The following DMD variants were observed in gnomAD, a reference collection of about 807,000 sequenced individuals.
DMD encodes the protein mutant dystrophin.
In DMD, 63 loss-of-function variants were observed where a neutral mutation model predicts 330.1. That is an observed-to-expected ratio of 0.19 (90% CI 0.16 to 0.24). The LOEUF is 0.24. Ranked by LOEUF, DMD falls within the 10% of genes least tolerant of loss-of-function variation. DMD has a pLI of 1.00. For missense variants in DMD, 3,344 were observed against 2,684.1 expected (o/e 1.25, Z -5.43); for synonymous variants, 1,223 against 959.8 (o/e 1.27, Z -5.07).
intron 61 of DMD, among the ~76,000 whole-genome samples, chrX:31,341,602 G>C (rs1029453352): frequency 9.0e-6 from 1 of 111,111 alleles, no homozygotes; most frequent in Non-Finnish European, 1.9e-5. Context: ...GAGAATAATC[G>C]TTGGCAATAG....
At chrX:32,785,589 TATC>T (rs1317709871) in intron 7 of DMD, among the ~76,000 whole-genome samples, 1 of 111,652 alleles carries the variant, frequency 9.0e-6, no homozygotes, top group African/African-American at 3.2e-5. Context: ...GCAAAGATAT[TATC>T]ATTTAATGGA....
At chrX:31,827,823 G>A (rs1424565158) in intron 49 of DMD, among the ~76,000 whole-genome samples, 5 of 111,474 alleles carry the variant, frequency 4.5e-5, no homozygotes, top group Non-Finnish European at 7.5e-5. Context: ...ATGATTTTGG[G>A]GTTAACAATG....
chrX:31,591,854 T>C (rs1042246237), intron 55 of DMD, among the ~76,000 whole-genome samples: 2 of 110,954 alleles, frequency 1.8e-5, no homozygotes, highest in African/African-American at 6.5e-5. Context: ...TGGTAATGAT[T>C]TTGCACACCA....
At chrX:31,938,652 C>T (rs1413870276) in intron 45 of DMD, among the ~76,000 whole-genome samples, 1 of 111,422 alleles carries the variant, frequency 9.0e-6, no homozygotes, top group Non-Finnish European at 1.9e-5. Flanking sequence ...AGGTATAGTA[C>T]TGCTGAATCT....
chrX:31,634,519 G>A (rs1399009496), intron 54 of DMD, among the ~76,000 whole-genome samples: 3 of 111,466 alleles, frequency 2.7e-5, no homozygotes, highest in Non-Finnish European at 5.7e-5. Context: ...GAAGCTATCT[G>A]TGTAAACTTC....
chrX:32,963,262 T>C (rs1406939349), intron 2 of DMD, among the ~76,000 whole-genome samples: 1 of 112,218 alleles, frequency 8.9e-6, no homozygotes, highest in Non-Finnish European at 1.9e-5. Context: ...TAAAGTGTTA[T>C]AATAACAGGC....
At chrX:31,234,638 A>C (rs16989467) in intron 63 of DMD, among the ~76,000 whole-genome samples, 9,963 of 111,838 alleles carry the variant, frequency 0.089, 1,090 homozygotes, top group African/African-American at 0.31. Flanking sequence ...TGGGGAAAAC[A>C]AAAAGATTAT....
At chrX:31,764,970 G>A (rs958506412) in intron 51 of DMD, among the ~76,000 whole-genome samples, 5 of 110,128 alleles carry the variant, frequency 4.5e-5, no homozygotes, top group African/African-American at 1.6e-4. Flanking sequence ...ATAAGAAATT[G>A]ACTCAAATCA....
intron 59 of DMD, among the ~76,000 whole-genome samples, chrX:31,464,402 T>C (rs1365523939): frequency 8.9e-6 from 1 of 112,522 alleles, no homozygotes; most frequent in African/African-American, 3.2e-5. Flanking sequence ...TTTCCAACTG[T>C]TCTAAAGCCT....
rs2068041021 is a variant in DMD, at chrX:31,479,090, T to G, written c.8561A>C (p.Glu2854Ala). The G allele has an allele frequency of 2.5e-6, 3 of 1,209,046 alleles. No homozygotes were observed. Among genetic ancestry groups the G allele is most frequent in the Non-Finnish European group, 2.2e-6 (2 of 894,510 alleles). Residue 2854 changes from glutamate to alanine, a missense_variant, in exon 58 of 79, where the codon GAA becomes GCA. Coordinates refer to ENST00000357033, the MANE Select transcript of DMD (RefSeq NM_004006.3). ...GATTACAGGTTCTTTAGTTTTCAATTCCCTCTTGAAGGCCTGTGAAATGAG... is the reference window on the plus strand; with the variant it reads ...GATTACAGGTTCTTTAGTTTTCAATGCCCTCTTGAAGGCCTGTGAAATGAG... ...QNDVHRAFKRELKTKEPVIMS... is the reference protein window; with the variant it reads ...QNDVHRAFKRALKTKEPVIMS...
chrX:32,718,957 A>G (rs2065991339), intron 7 of DMD, among the ~76,000 whole-genome samples: 1 of 112,205 alleles, frequency 8.9e-6, no homozygotes, highest in African/African-American at 3.2e-5. Flanking sequence ...TTAGGTAAAT[A>G]ATCTGTAATT....
At chrX:33,008,941 C>CGTGT (rs1569548765) in intron 2 of DMD, among the ~76,000 whole-genome samples, 1 of 79,710 alleles carries the variant, frequency 1.3e-5, no homozygotes, top group Admixed American at 1.3e-4. Flanking sequence ...TATATACACA[C>CGTGT]GTATATATAC....
chrX:32,505,095 G>A (rs1362420407), intron 18 of DMD, among the ~76,000 whole-genome samples: 3 of 110,933 alleles, frequency 2.7e-5, no homozygotes, highest in Non-Finnish European at 5.7e-5. Context: ...GAAAACAGAG[G>A]TGACTTTGAG....
intron 44 of DMD, among the ~76,000 whole-genome samples, chrX:32,181,968 G>A (rs770899621): frequency 9.0e-6 from 1 of 111,661 alleles, no homozygotes; most frequent in African/African-American, 3.2e-5. Flanking sequence ...TTTAAATTGG[G>A]AATTAAGTTG....
chrX:31,698,738 G>A (rs973029801), intron 52 of DMD, among the ~76,000 whole-genome samples: 4 of 111,457 alleles, frequency 3.6e-5, no homozygotes. Context: ...GGAGGAATGT[G>A]GTTGTTTTAC....
chrX:32,790,078 A>G (rs1381580803), intron 7 of DMD, among the ~76,000 whole-genome samples: 4 of 111,964 alleles, frequency 3.6e-5, no homozygotes, highest in Non-Finnish European at 5.6e-5. Flanking sequence ...CACGATTGCC[A>G]TAAGACAAAA....
At chrX:33,176,950 A>G (rs977722867) in intron 1 of DMD, among the ~76,000 whole-genome samples, 2 of 111,790 alleles carry the variant, frequency 1.8e-5, no homozygotes, top group Non-Finnish European at 3.8e-5. Flanking sequence ...AAAATAAAAT[A>G]AAAAGAGAAA....
At chrX:32,935,657 C>T (rs763555820) in intron 2 of DMD, among the ~76,000 whole-genome samples, 1 of 110,878 alleles carries the variant, frequency 9.0e-6, no homozygotes, top group South Asian at 3.8e-4. Flanking sequence ...CCTTTTTGCG[C>T]TGAATATAGA....
chrX:31,241,166 T>G lies in DMD; in HGVS notation c.9287-18045A>C, dbSNP rs369958126. On this transcript the variant is annotated intron_variant, in intron 63 of 78. Coordinates refer to ENST00000357033, the MANE Select transcript of DMD (RefSeq NM_004006.3). ...TTTATCATGCTGTGGACCAAACTCT[T>G]TCTTCGGTTCCCCTTTTCAAATGGC... is the stretch of plus-strand genomic sequence containing the variant. Among the ~76,000 whole-genome samples, 21 of 111,683 alleles carry G rather than the reference T, an allele frequency of 1.9e-4. No individual in the cohort carries two copies. In the East Asian group the frequency reaches 3.9e-3, roughly 21 times the overall value.
Sources: gnomAD v4.1 joint callset for allele counts (sites outside exome capture counted in the v4.1 genomes callset) on GRCh38, gnomAD v4.1.1 for gene constraint, MANE v1.5 for transcripts, NCBI Gene and HGNC (gene_info 2026-07-23, HGNC 2026-07-21) for gene names.